Variants in PCDH15 observed in about 807,000 individuals in gnomAD.
The protein encoded by PCDH15 is protocadherin-15.
In PCDH15, 129 loss-of-function variants were observed where a neutral mutation model predicts 178.5. The observed-to-expected ratio is 0.72, with a 90% CI of 0.63 to 0.84. PCDH15 has a LOEUF of 0.84. PCDH15 is among the 40% of genes least tolerant of loss of function. The pLI is 0.00. For synonymous variants in PCDH15, 800 were observed against 732.0 expected (o/e 1.09, Z -1.50); for missense variants, 2,230 against 2,099.9 (o/e 1.06, Z -1.21).
At chr10:54,702,519 A>G (rs1190308919) in intron 1 of PCDH15, among the ~76,000 whole-genome samples, 2 of 147,332 alleles carry the variant, frequency 1.4e-5, no homozygotes, top group Non-Finnish European at 3.0e-5. Flanking sequence ...CAAAGGGGAC[A>G]TTACTTCCAA....
At position 54,711,520 on chromosome 10, in the gene PCDH15, C is replaced by T. The variant is rs543488942; in HGVS notation, c.-28-47230G>A. 8.6e-5 allele frequency among the ~76,000 whole-genome samples: 13 copies of T among 151,910 alleles called. No individual in the cohort carries two copies. The South Asian group carries it at 2.3e-3, about 27-fold the overall frequency. ...GACAACGTACAAAATCAAATCTGCT[C>T]ATGTATCACATGGATGAAAACTAAG... On this transcript the variant is annotated intron_variant, in intron 1 of 37. Transcript: ENST00000644397.
intron 13 of PCDH15, among the ~76,000 whole-genome samples, chr10:54,180,352 T>A (rs1180066648): frequency 6.6e-6 from 1 of 152,228 alleles, no homozygotes; most frequent in African/African-American, 2.4e-5. Context: ...ACAGGGTAGA[T>A]ACTTAATAAG....
intron 1 of PCDH15, among the ~76,000 whole-genome samples, chr10:54,718,886 G>A (rs929238189): frequency 5.9e-5 from 9 of 151,470 alleles, no homozygotes; most frequent in East Asian, 2.0e-4. Context: ...TAGTAGAGAC[G>A]GGGTTTCACT....
intron 9 of PCDH15, among the ~76,000 whole-genome samples, chr10:54,234,129 CTTCTGTGTGTGTGT>C (rs1295138553): frequency 1.8e-5 from 2 of 109,846 alleles, no homozygotes; most frequent in African/African-American, 7.1e-5. Flanking sequence ...TGGATATCCC[CTTCTGTGTGTGTGT>C]GTGTGTGTGT....
At chr10:54,510,884 C>T (rs1005896595) in intron 3 of PCDH15, among the ~76,000 whole-genome samples, 15 of 151,946 alleles carry the variant, frequency 9.9e-5, no homozygotes, top group African/African-American at 3.1e-4. Context: ...TTTATGTCAC[C>T]GTATTTAACT....
intron 5 of PCDH15, among the ~76,000 whole-genome samples, chr10:54,354,567 C>T (rs1444803556): frequency 6.6e-6 from 1 of 152,104 alleles, no homozygotes; most frequent in Non-Finnish European, 1.5e-5. Flanking sequence ...ACTGCATATT[C>T]AAAGAAATTC....
At chr10:53,921,916 G>T (rs991399408) in intron 25 of PCDH15, among the ~76,000 whole-genome samples, 16 of 152,014 alleles carry the variant, frequency 1.1e-4, no homozygotes, top group Admixed American at 9.2e-4. Context: ...AAAGATACTG[G>T]ATTTTTTCCT....
chr10:54,972,935 GTAT>G (rs1317786359), intron 2 of PCDH15, among the ~76,000 whole-genome samples: 1 of 150,796 alleles, frequency 6.6e-6, no homozygotes, highest in Non-Finnish European at 1.5e-5. Flanking sequence ...AAAGAATGAG[GTAT>G]TATTATGAAA....
chr10:54,692,691 A>ATAACTCCAAACATCCCTCATTGAG (rs1555152850), intron 1 of PCDH15, among the ~76,000 whole-genome samples: 1 of 147,266 alleles, frequency 6.8e-6, no homozygotes, highest in East Asian at 2.5e-4. Flanking sequence ...TTAAAAGCGA[A>ATAACTCCAAACATCCCTCATTGAG]TAACTCCAAA....
chr10:54,504,020 T>TGTG (rs923420602), intron 3 of PCDH15, among the ~76,000 whole-genome samples: 1 of 152,122 alleles, frequency 6.6e-6, no homozygotes, highest in African/African-American at 2.4e-5. Context: ...AGTGAAGAAC[T>TGTG]GTTAGTTCTT....
chr10:55,341,073 A>C (rs1256720175), intron 2 of PCDH15, among the ~76,000 whole-genome samples: 1 of 151,268 alleles, frequency 6.6e-6, no homozygotes, highest in African/African-American at 2.4e-5. Flanking sequence ...CAAAGCTCTT[A>C]GTAGTAAATT....
intron 2 of PCDH15, chr10:54,607,767 G>T: frequency 2.3e-6 from 1 of 429,006 alleles, no homozygotes. Context: ...TAACTTTAAG[G>T]CTTTTACTGT....
At chr10:54,410,272 A>T (rs866488589) in intron 3 of PCDH15, among the ~76,000 whole-genome samples, 45 of 152,248 alleles carry the variant, frequency 3.0e-4, no homozygotes, top group African/African-American at 1.0e-3. Context: ...CACAAGCCTA[A>T]GGGGAAAAAT....
Position 53,811,589 on chromosome 10 carries a change from C to T in PCDH15, c.4522G>A (p.Gly1508Ser). Residue 1508 changes from glycine (G) to serine (S), a missense_variant, in exon 36 of 38, where the codon GGC (glycine) becomes AGC (serine). Gly to Ser is a moderately conservative substitution (Grantham distance 56, BLOSUM62 0). Transcript: ENST00000644397. ...ELSMESGIDPGQEYGQDYYSY... is the reference protein window; with the variant it reads ...ELSMESGIDPSQEYGQDYYSY... ...TAATAATCTTGTCCATATTCCTGGCCAGGATCAATTCCAGACTCCATGGAT... is the reference window on the plus strand; with the variant it reads ...TAATAATCTTGTCCATATTCCTGGCTAGGATCAATTCCAGACTCCATGGAT... 6.4e-7 allele frequency: 1 copy of T among 1,570,006 alleles called. No homozygotes were observed. Among genetic ancestry groups the T allele is most frequent in the East Asian group, 2.3e-5 (1 of 42,920 alleles).
intron 2 of PCDH15, among the ~76,000 whole-genome samples, chr10:55,506,968 C>T (rs1037861321): frequency 6.6e-6 from 1 of 151,174 alleles, no homozygotes; most frequent in Non-Finnish European, 1.5e-5. Flanking sequence ...TAACATAGCT[C>T]ATAAAAAACG....
At chr10:55,001,902 T>TTATTAAATTATGTGATATTAAATTAG (rs1158160333) in intron 2 of PCDH15, among the ~76,000 whole-genome samples, 2 of 152,200 alleles carry the variant, frequency 1.3e-5, no homozygotes, top group Non-Finnish European at 2.9e-5. Flanking sequence ...GTATTTAGCA[T>TTATTAAATTATGTGATATTAAATTAG]TATTAAAATT....
rs1463961455 is a variant in PCDH15, at chr10:53,827,553, G to A, written c.4212-5C>T. The A allele has an allele frequency of 6.2e-7, 1 of 1,614,002 alleles. No homozygotes were observed. The highest frequency in any genetic ancestry group is 8.5e-7 in the Non-Finnish European group (1 of 1,179,970). On this transcript the variant is annotated splice_region_variant and splice_polypyrimidine_tract_variant and intron_variant, in intron 31 of 37. Coordinates refer to ENST00000644397, the MANE Select transcript of PCDH15 (RefSeq NM_001384140.1). Reference sequence around the variant, plus strand: ...TTTGTACACTCAGCTTGACGTCTTGGATAAAGTAAGGATGGCTTGTAAAAC... The same window carrying A: ...TTTGTACACTCAGCTTGACGTCTTGAATAAAGTAAGGATGGCTTGTAAAAC...
At chr10:54,021,330 T>C (rs2092914046) in intron 19 of PCDH15, among the ~76,000 whole-genome samples, 1 of 151,982 alleles carries the variant, frequency 6.6e-6, no homozygotes, top group African/African-American at 2.4e-5. Context: ...TGCAAACACC[T>C]CCTATGGTGA....
chr10:54,942,956 T>C (rs74138826), intron 2 of PCDH15, among the ~76,000 whole-genome samples: 252 of 152,110 alleles, frequency 1.7e-3, no homozygotes, highest in African/African-American at 5.9e-3. Context: ...ATGAGTTAAA[T>C]TGACTCTCTA....
Sources: gnomAD v4.1 joint callset for allele counts (sites outside exome capture counted in the v4.1 genomes callset) on GRCh38, gnomAD v4.1.1 for gene constraint, MANE v1.5 for transcripts, NCBI Gene and HGNC (gene_info 2026-07-23, HGNC 2026-07-21) for gene names.